The following ZBTB46 variants were observed in gnomAD, a reference collection of about 807,000 sequenced individuals.
The protein encoded by ZBTB46 is zinc finger and BTB domain-containing protein 46.
In ZBTB46, 8 loss-of-function variants were observed where a neutral mutation model predicts 44.1. That is an observed-to-expected ratio of 0.18 (90% CI 0.11 to 0.33). The LOEUF (loss-of-function observed/expected upper bound fraction) is 0.33, where lower values mean the gene tolerates loss of function less well. Among genes scored for constraint, ZBTB46 ranks in the 10% least tolerant of loss-of-function variants. The pLI, the probability that ZBTB46 is intolerant of heterozygous loss-of-function variation, is 1.00. For synonymous variants in ZBTB46, 409 were observed against 382.3 expected (o/e 1.07, Z -0.81); for missense variants, 651 against 847.7 (o/e 0.77, Z 2.88).
Position 63,746,941 on chromosome 20 carries a change from A to T in ZBTB46, c.1759T>A (p.Trp587Arg). 6.4e-7 allele frequency: 1 copy of T among 1,557,750 alleles called. No individual in the cohort carries two copies. Among genetic ancestry groups the T allele is most frequent in the Middle Eastern group, 1.7e-4 (1 of 5,764 alleles). Residue 587 changes from tryptophan to arginine, a missense_variant, in exon 5 of 5, where the codon TGG (tryptophan) becomes AGG (arginine). By Grantham distance (101) the Trp-to-Arg change is moderately radical. This residue lies in a region of ZBTB46 where 106 missense variants were observed against 81.0 expected (regional missense o/e 1.31). Coordinates refer to ENST00000245663, the MANE Select transcript of ZBTB46 (RefSeq NM_001369741.1). ...GCCGGCGGGCGGGCCTAGGAGAGCC[A>T]GGCGAAGTCCTTGTCAGGGCCTCCT... Reference protein sequence around the residue: ...PPGGPDKDFAWLS With the variant: ...PPGGPDKDFARLS
At chr20:63,821,869 C>T (rs942748415) in intron 1 of ZBTB46, among the ~76,000 whole-genome samples, 2 of 152,282 alleles carry the variant, frequency 1.3e-5, no homozygotes, top group South Asian at 2.1e-4. Context: ...AGCACCGAGG[C>T]GGTTTTAAAT....
chr20:63,784,274 A>ACC lies in ZBTB46; in HGVS notation c.937+5545_937+5546dup, dbSNP rs1238576600. On this transcript the variant is annotated intron_variant, in intron 2 of 4. Transcript: ENST00000245663. ...GCCTGGTCCAAGAAGCAGCTCGAAG[A>ACC]CCACCCTACCCTGAGAGCTGGGACC... Among the ~76,000 whole-genome samples the ACC allele has an allele frequency of 9.9e-5, 15 of 152,232 alleles. No homozygotes were observed. The East Asian group carries it at 2.9e-3, about 29-fold the overall frequency.
At chr20:63,757,266 G>T (rs1300078358) in intron 3 of ZBTB46, among the ~76,000 whole-genome samples, 1 of 152,154 alleles carries the variant, frequency 6.6e-6, no homozygotes, top group East Asian at 1.9e-4. Context: ...GGGATTACAG[G>T]CACTCATCGC....
chr20:63,766,648 C>A (rs1387452349), intron 3 of ZBTB46, among the ~76,000 whole-genome samples: 1 of 152,216 alleles, frequency 6.6e-6, no homozygotes, highest in Non-Finnish European at 1.5e-5. Flanking sequence ...GACTGCTCTC[C>A]CGACCCTCAC....
At chr20:63,813,359 G>C (rs867758265) in intron 1 of ZBTB46, among the ~76,000 whole-genome samples, 5 of 151,408 alleles carry the variant, frequency 3.3e-5, no homozygotes, top group Admixed American at 6.6e-5. Flanking sequence ...TGAGGCAGGA[G>C]AATCACTTGA....
chr20:63,764,763 C>T lies in ZBTB46; in HGVS notation c.1222+10915G>A, dbSNP rs1031017778. On this transcript the variant is annotated intron_variant, in intron 3 of 4. Transcript: ENST00000245663. ...GATTACAGGTGTGTGCCACCACACCCGGCTAATTTTGTATTTTTAGTAGAG... is the reference window on the plus strand; with the variant it reads ...GATTACAGGTGTGTGCCACCACACCTGGCTAATTTTGTATTTTTAGTAGAG... Among the ~76,000 whole-genome samples, 11 of 151,366 alleles carry T rather than the reference C, an allele frequency of 7.3e-5. No individual in the cohort carries two copies. The East Asian group carries it at 1.8e-3, about 24-fold the overall frequency.
At chr20:63,795,586 C>G (rs891849087) in intron 1 of ZBTB46, among the ~76,000 whole-genome samples, 2 of 152,240 alleles carry the variant, frequency 1.3e-5, no homozygotes, top group Admixed American at 6.5e-5. Context: ...GCCTCAAAAC[C>G]AGCACAGCTG....
chr20:63,799,405 G>A (rs534161238), intron 1 of ZBTB46, among the ~76,000 whole-genome samples: 90 of 151,310 alleles, frequency 5.9e-4, no homozygotes, highest in Non-Finnish European at 1.2e-3. Flanking sequence ...AGAGTGCAGT[G>A]GTGCAATCTC....
intron 1 of ZBTB46, among the ~76,000 whole-genome samples, chr20:63,830,712 C>T (rs1239132777): frequency 6.7e-6 from 1 of 148,776 alleles, no homozygotes; most frequent in Non-Finnish European, 1.5e-5. Flanking sequence ...TGGAAAATTC[C>T]CCTCTCGGAG....
intron 1 of ZBTB46, among the ~76,000 whole-genome samples, chr20:63,807,890 C>T (rs755113353): frequency 6.6e-6 from 1 of 152,258 alleles, no homozygotes; most frequent in African/African-American, 2.4e-5. Context: ...TGCCCAAGTC[C>T]CCACCTTGTG....
chr20:63,760,534 C>T (rs1212368212), intron 3 of ZBTB46, among the ~76,000 whole-genome samples: 1 of 150,740 alleles, frequency 6.6e-6, no homozygotes, highest in Non-Finnish European at 1.5e-5. Flanking sequence ...GGCACAATCT[C>T]GATTCACTGC....
Position 63,775,932 on chromosome 20 carries a change from C to T in ZBTB46, c.968G>A (p.Ser323Asn). 1 of 1,585,300 alleles carries T rather than the reference C, an allele frequency of 6.3e-7. No individual in the cohort carries two copies. The highest frequency in any genetic ancestry group is 8.6e-7 in the Non-Finnish European group (1 of 1,168,652). The stretch of plus-strand genomic sequence containing the variant: ...GGCCCTCTCTCCTCGGCTGTCGGAG[C>T]TGCTGGCTTCGGTGACGGACAGGTC... ...NADLSVTEAS[S>N]SDSRGERAEL... The change falls in exon 3 of 5, where the codon AGC (serine) becomes AAC (asparagine). Residue 323 changes from serine (S) to asparagine (N), a missense_variant. By Grantham distance (46) the Ser-to-Asn change is conservative (BLOSUM62 1). This residue lies in a region of ZBTB46 where 385 missense variants were observed against 423.3 expected (regional missense o/e 0.91). Transcript: ENST00000245663.
intron 1 of ZBTB46, among the ~76,000 whole-genome samples, chr20:63,800,614 A>G (rs2092636323): frequency 6.6e-6 from 1 of 152,210 alleles, no homozygotes; most frequent in African/African-American, 2.4e-5. Flanking sequence ...CGGGCCAGCT[A>G]GAGTTCCGGG....
intron 3 of ZBTB46, among the ~76,000 whole-genome samples, chr20:63,753,689 T>C (rs919183015): frequency 2.0e-5 from 3 of 152,260 alleles, no homozygotes; most frequent in African/African-American, 7.2e-5. Flanking sequence ...GGGATTACCA[T>C]GTACTTGCTG....
intron 1 of ZBTB46, among the ~76,000 whole-genome samples, chr20:63,796,128 G>A (rs181545459): frequency 6.6e-6 from 1 of 152,344 alleles, no homozygotes; most frequent in Admixed American, 6.5e-5. Context: ...TGTGTTCAAA[G>A]TATTAATTTA....
At chr20:63,751,328 C>T (rs964941658) in intron 4 of ZBTB46, among the ~76,000 whole-genome samples, 7 of 152,196 alleles carry the variant, frequency 4.6e-5, no homozygotes, top group Non-Finnish European at 7.3e-5. Flanking sequence ...CTCTACTGTC[C>T]TCCACCTCGC....
intron 2 of ZBTB46, among the ~76,000 whole-genome samples, chr20:63,776,793 C>T (rs1377355006): frequency 4.4e-5 from 6 of 136,138 alleles, no homozygotes; most frequent in Non-Finnish European, 8.0e-5. Context: ...GACAGAACAA[C>T]GCTCTGTCTC....
At chr20:63,802,371 G>T (rs1397920907) in intron 1 of ZBTB46, among the ~76,000 whole-genome samples, 1 of 151,996 alleles carries the variant, frequency 6.6e-6, no homozygotes, top group African/African-American at 2.4e-5. Flanking sequence ...GCAGTGAGCT[G>T]AGATTGCGCC....
chr20:63,810,533 A>G (rs746021549), intron 1 of ZBTB46, among the ~76,000 whole-genome samples: 8 of 152,140 alleles, frequency 5.3e-5, no homozygotes, highest in Non-Finnish European at 1.0e-4. Flanking sequence ...ATCATATGAG[A>G]TCAGGAGTTT....
Sources: allele counts gnomAD v4.1 joint callset (sites outside exome capture counted in the v4.1 genomes callset), GRCh38; gene constraint gnomAD v4.1.1; regional missense constraint gnomAD v4.1.1; transcripts MANE v1.5; gene names NCBI Gene and HGNC (gene_info 2026-07-23, HGNC 2026-07-21).